The following RNF157 variants were observed in gnomAD, a reference collection of about 807,000 sequenced individuals.
RNF157 encodes the protein E3 ubiquitin ligase RNF157.
RNF157 carries 55 observed loss-of-function variants against 88.3 expected under a neutral mutation model. The ratio of observed to expected loss-of-function variants is 0.62; its 90% CI spans 0.50 to 0.78. The LOEUF is 0.78. Ranked by LOEUF, RNF157 falls within the 30% of genes least tolerant of loss-of-function variation. The pLI, the probability that RNF157 is intolerant of heterozygous loss-of-function variation, is 0.00. For synonymous variants in RNF157, 334 were observed against 341.2 expected (o/e 0.98, Z 0.23); for missense variants, 788 against 860.8 (o/e 0.92, Z 1.06).
intron 8 of RNF157, 106 bp downstream of exon 8, chr17:76,164,642 A>G: frequency 1.5e-6 from 1 of 661,560 alleles, no homozygotes; most frequent in Non-Finnish European, 2.5e-6. Context: ...AGGAGAGAGC[A>G]AAAAGTAAAA....
chr17:76,226,054 A>G, intron 1 of RNF157: 1 of 1,608,224 alleles, frequency 6.2e-7, no homozygotes, highest in East Asian at 2.2e-5. Flanking sequence ...ACCCACAGAG[A>G]ACACCTGGAG....
chr17:76,240,107 C>T lies in RNF157; in HGVS notation c.88+46G>A. 2.5e-6 allele frequency: 3 copies of T among 1,182,324 alleles called. No individual in the cohort carries two copies. Among genetic ancestry groups the T allele is most frequent in the Non-Finnish European group, 2.2e-6 (2 of 929,776 alleles). The allele number at this position is 1,182,324 out of a possible 1,614,324, so 73.2% of individuals were successfully genotyped here. A position where few individuals can be genotyped will look rare whatever the true frequency, so the allele number is the denominator to read the frequency against. On this transcript the variant is annotated intron_variant, in intron 1 of 18. Coordinates refer to ENST00000269391, the MANE Select transcript of RNF157 (RefSeq NM_052916.3). The surrounding 1 kb of genome is among the most constrained non-coding windows in gnomAD (Gnocchi z 4.4). ...GGCCGTCCCGACCCAGACCCCTGCC[C>T]CTGCCCCTCTCCCTCCTCGCGGCTG...
chr17:76,225,421 G>GT (rs1329425939), intron 1 of RNF157, among the ~76,000 whole-genome samples: 10 of 152,154 alleles, frequency 6.6e-5, no homozygotes, highest in Non-Finnish European at 1.3e-4. Context: ...TCCATAAGAA[G>GT]TAACTCCACT....
chr17:76,221,342 A>C (rs1438946644), intron 1 of RNF157, among the ~76,000 whole-genome samples: 1 of 152,028 alleles, frequency 6.6e-6, no homozygotes, highest in Non-Finnish European at 1.5e-5. Flanking sequence ...TTAAAGCTTT[A>C]AAAAAAATGA....
At position 76,222,341 on chromosome 17, in the gene RNF157, C is replaced by T. The variant is rs748657318; in HGVS notation, c.89-9859G>A. Among the ~76,000 whole-genome samples, 59 of 146,808 alleles carry T rather than the reference C, an allele frequency of 4.0e-4. 1 individual carries two copies. The highest frequency in any genetic ancestry group is 6.9e-4 in the Non-Finnish European group (46 of 66,840). On this transcript the variant is annotated intron_variant, in intron 1 of 18. Transcript: ENST00000269391. ...CAGCCTGGGTGACAGAGCAAGACCCCGTCTCAAAAAAAAAAAAAAAAAGTT... is the reference window on the plus strand; with the variant it reads ...CAGCCTGGGTGACAGAGCAAGACCCTGTCTCAAAAAAAAAAAAAAAAAGTT...
intron 2 of RNF157, among the ~76,000 whole-genome samples, chr17:76,175,969 C>T (rs2069096284): frequency 6.6e-6 from 1 of 152,076 alleles, no homozygotes; most frequent in Non-Finnish European, 1.5e-5. Flanking sequence ...TTTATAAATC[C>T]ACCCCTATAC....
At chr17:76,169,542 G>T (rs933775383) in intron 3 of RNF157, among the ~76,000 whole-genome samples, 3 of 150,804 alleles carry the variant, frequency 2.0e-5, no homozygotes, top group Non-Finnish European at 2.9e-5. Flanking sequence ...AAAGGTCTGG[G>T]ATTAGAGGTG....
chr17:76,201,124 A>C (rs990100912), intron 2 of RNF157, among the ~76,000 whole-genome samples: 1 of 152,096 alleles, frequency 6.6e-6, no homozygotes, highest in African/African-American at 2.4e-5. Context: ...TCTATTTTTA[A>C]AGAAAATTAA....
At chr17:76,225,727 T>A in intron 1 of RNF157, 1 of 1,495,996 alleles carries the variant, frequency 6.7e-7, no homozygotes, top group Non-Finnish European at 8.9e-7. Context: ...TACAAGCACG[T>A]TGACACTCCT....
At chr17:76,186,293 G>C (rs1178755011) in intron 2 of RNF157, among the ~76,000 whole-genome samples, 1 of 152,064 alleles carries the variant, frequency 6.6e-6, no homozygotes, top group Non-Finnish European at 1.5e-5. Flanking sequence ...ATCACCTGAG[G>C]TCAGGAGTTT....
At chr17:76,227,183 C>T (rs970443075) in intron 1 of RNF157, among the ~76,000 whole-genome samples, 3 of 150,390 alleles carry the variant, frequency 2.0e-5, no homozygotes, top group Non-Finnish European at 4.4e-5. Flanking sequence ...ATGAATGACA[C>T]GATCTTGGCT....
chr17:76,193,724 C>T (rs542832782), intron 2 of RNF157, among the ~76,000 whole-genome samples: 1 of 152,312 alleles, frequency 6.6e-6, no homozygotes, highest in South Asian at 2.1e-4. Context: ...ACTTCTGAAG[C>T]CTGATCCGAA....
intron 2 of RNF157, among the ~76,000 whole-genome samples, chr17:76,196,618 G>C (rs1349654227): frequency 6.6e-6 from 1 of 152,136 alleles, no homozygotes; most frequent in African/African-American, 2.4e-5. Context: ...AGTATGTACG[G>C]GAGTGTAGTC....
In RNF157 at chr17:76,145,555, C is replaced by G. The variant is rs1212770813; in HGVS notation, c.1922-202G>C. On this transcript the variant is annotated intron_variant, in intron 18 of 18. Coordinates refer to ENST00000269391, the MANE Select transcript of RNF157 (RefSeq NM_052916.3). Reference sequence around the variant, plus strand: ...ACAGGTGCAGAGCCTGCTCCTGCCCCCTGGGCTAGGTACAGTCACTGCCAC... The same window carrying G: ...ACAGGTGCAGAGCCTGCTCCTGCCCGCTGGGCTAGGTACAGTCACTGCCAC... The G allele has an allele frequency of 1.7e-5, 9 of 531,990 alleles. No individual in the cohort carries two copies. In the East Asian group the frequency reaches 2.8e-4, roughly 16 times the overall value. The allele number at this position is 531,990 out of a possible 1,614,324, so 33.0% of individuals were successfully genotyped here.
rs1230239077 is a variant in RNF157 at position 76,157,246 on chromosome 17, G to A, written c.1414-925C>T. Among the ~76,000 whole-genome samples the A allele has an allele frequency of 2.6e-5, 4 of 152,206 alleles. No individual in the cohort carries two copies. Among genetic ancestry groups the A allele is most frequent in the East Asian group, 1.9e-4 (1 of 5,194 alleles). On this transcript the variant is annotated intron_variant, in intron 13 of 18. Coordinates refer to ENST00000269391, the MANE Select transcript of RNF157 (RefSeq NM_052916.3). The surrounding 1 kb of genome is among the most constrained non-coding windows in gnomAD (Gnocchi z 5.6). The stretch of plus-strand genomic sequence containing the variant: ...CTCCCAAAGTGCCGGGATTCCAGGC[G>A]TGAGCCTCCGCGCCCGGCCAGTCAC...
chr17:76,142,969 G>GTGAACTGT lies in RNF157; in HGVS notation c.*2265_*2266insACAGTTCA, dbSNP rs2068536380. ...TCTTCTCTTTGGGTGAACTGTTGAC[G>GTGAACTGT]TGACTATGTGACTGTCTCCAGATGA... On this transcript the variant is annotated 3_prime_UTR_variant, in exon 19 of 19. Transcript: ENST00000269391. 6.6e-6 allele frequency: 1 copy of GTGAACTGT among 152,268 alleles called. No individual in the cohort carries two copies. The highest frequency in any genetic ancestry group is 1.5e-5 in the Non-Finnish European group (1 of 68,094). 9.4% of individuals were successfully genotyped at this position (152,268 alleles called of 1,614,324 possible).
At chr17:76,190,359 G>A (rs1013913625) in intron 2 of RNF157, among the ~76,000 whole-genome samples, 2 of 152,002 alleles carry the variant, frequency 1.3e-5, no homozygotes, top group Non-Finnish European at 2.9e-5. Context: ...TAGAGACGGA[G>A]TTTCGCCATG....
Position 76,154,006 on chromosome 17 carries a change from G to A in RNF157, c.1810+277C>T, listed in dbSNP as rs531010912. ...GATGGGAGCTGCTTAGAGAGCTTCC[G>A]AATCTACTTCAGGTAAATATGGACC... On this transcript the variant is annotated intron_variant, in intron 17 of 18. Transcript: ENST00000269391. 191 of 387,828 alleles carry A rather than the reference G, an allele frequency of 4.9e-4. 2 individuals carry two copies. Among genetic ancestry groups the A allele is most frequent in the South Asian group, 1.0e-3 (39 of 37,668 alleles). 24.0% of individuals were successfully genotyped at this position (387,828 alleles called of 1,614,324 possible).
rs778659076 is a variant in RNF157, at chr17:76,155,299, G to C, written c.1717C>G (p.Pro573Ala). Residue 573 changes from proline (P) to alanine (A), a missense_variant, in exon 16 of 19, where the codon CCA (proline) becomes GCA (alanine). Pro to Ala is a conservative substitution (Grantham distance 27). Transcript: ENST00000269391. ...EEGEGLPAES[P>A]DSNFAGLPAG... Reference sequence around the variant, plus strand: ...GGGAGGCCAGCAAAGTTGCTGTCTGGAGACTCCGCTGGCAGCCCCTGCAGA... The same window carrying C: ...GGGAGGCCAGCAAAGTTGCTGTCTGCAGACTCCGCTGGCAGCCCCTGCAGA... 9 of 1,614,110 alleles carry C rather than the reference G, an allele frequency of 5.6e-6. No homozygotes were observed. The highest frequency in any genetic ancestry group is 7.6e-6 in the Non-Finnish European group (9 of 1,180,026).
Sources: gnomAD v4.1 joint callset for allele counts (sites outside exome capture counted in the v4.1 genomes callset) on GRCh38, gnomAD v4.1.1 for gene constraint, Gnocchi (gnomAD v3.1) non-coding constraint, MANE v1.5 for transcripts, NCBI Gene and HGNC (gene_info 2026-07-23, HGNC 2026-07-21) for gene names.